The following PCDH15 variants were observed in gnomAD, a reference collection of about 807,000 sequenced individuals.
The protein encoded by PCDH15 is protocadherin-15.
In PCDH15, 129 loss-of-function variants were observed where a neutral mutation model predicts 178.5. The observed-to-expected ratio is 0.72, with a 90% CI of 0.63 to 0.84. The LOEUF (loss-of-function observed/expected upper bound fraction) is 0.84, where lower values mean the gene tolerates loss of function less well. Ranked by LOEUF, PCDH15 falls within the 40% of genes least tolerant of loss-of-function variation. PCDH15 has a pLI of 0.00. For missense variants in PCDH15, 2,230 were observed against 2,099.9 expected (o/e 1.06, Z -1.21); for synonymous variants, 800 against 732.0 (o/e 1.09, Z -1.50).
In PCDH15 at chr10:53,822,025, T is replaced by C. The variant is rs763251067; in HGVS notation, c.4368-1795A>G. The stretch of plus-strand genomic sequence containing the variant: ...CGTAGATAGTTTTTTTCTATTTGAC[T>C]GTACATGTTAGCTACTGATTTTTCA... On this transcript the variant is annotated intron_variant, in intron 32 of 37. Coordinates refer to ENST00000644397, the MANE Select transcript of PCDH15 (RefSeq NM_001384140.1). The C allele has an allele frequency of 2.5e-5, 41 of 1,613,934 alleles. No homozygotes were observed. Among genetic ancestry groups the C allele is most frequent in the Middle Eastern group, 1.6e-4 (1 of 6,082 alleles).
chr10:55,588,724 G>A (rs1842775599), intron 2 of PCDH15, among the ~76,000 whole-genome samples: 1 of 151,864 alleles, frequency 6.6e-6, no homozygotes, highest in African/African-American at 2.4e-5. Context: ...ACATTTTGAA[G>A]AAAATGAAGT....
At chr10:55,461,363 A>G in intron 2 of PCDH15, among the ~76,000 whole-genome samples, 1 of 152,198 alleles carries the variant, frequency 6.6e-6, no homozygotes, top group Non-Finnish European at 1.5e-5. Flanking sequence ...ACACTATTTT[A>G]GCCAGGATGG....
In PCDH15 at chr10:54,418,385, T is replaced by TAAAAAC. The variant is rs1954760900; in HGVS notation, c.158-39444_158-39443insGTTTTT. ...TATTAATATTAATTTTATTTAAATATAACAAAGATTTGCCAGTATTCAAAT... is the reference window on the plus strand; with the variant it reads ...TATTAATATTAATTTTATTTAAATATAAAAACAACAAAGATTTGCCAGTATTCAAAT... On this transcript the variant is annotated intron_variant, in intron 3 of 37. Coordinates refer to ENST00000644397, the MANE Select transcript of PCDH15 (RefSeq NM_001384140.1). Among the ~76,000 whole-genome samples the TAAAAAC allele has an allele frequency of 2.0e-5, 3 of 152,154 alleles. No individual in the cohort carries two copies. In the South Asian group the frequency reaches 6.2e-4, roughly 32 times the overall value.
chr10:54,255,265 G>A (rs890928030), intron 8 of PCDH15, among the ~76,000 whole-genome samples: 1 of 152,154 alleles, frequency 6.6e-6, no homozygotes, highest in African/African-American at 2.4e-5. Context: ...TCTTCAAAAA[G>A]AGAGGTGGTG....
chr10:55,262,582 G>A (rs375645870), intron 1 of PCDH15, among the ~76,000 whole-genome samples: 31 of 152,216 alleles, frequency 2.0e-4, no homozygotes, highest in African/African-American at 7.2e-4. Flanking sequence ...GCAGGCCATC[G>A]ACCAGCAGAA....
intron 2 of PCDH15, among the ~76,000 whole-genome samples, chr10:55,521,275 A>C (rs1841168484): frequency 6.6e-6 from 1 of 152,064 alleles, no homozygotes; most frequent in East Asian, 1.9e-4. Context: ...TGACTAAATA[A>C]TATGCACTGA....
At chr10:55,375,951 A>G (rs536817098) in intron 2 of PCDH15, among the ~76,000 whole-genome samples, 5 of 152,052 alleles carry the variant, frequency 3.3e-5, no homozygotes, top group African/African-American at 9.6e-5. Context: ...AATAAATATG[A>G]GTGTTTATTT....
At chr10:55,031,653 T>C (rs1183837788) in intron 2 of PCDH15, among the ~76,000 whole-genome samples, 2 of 152,174 alleles carry the variant, frequency 1.3e-5, no homozygotes, top group Non-Finnish European at 2.9e-5. Context: ...TGAGGTTTTT[T>C]AGAGGTGATT....
intron 1 of PCDH15, among the ~76,000 whole-genome samples, chr10:55,225,101 G>A (rs1026655295): frequency 6.6e-6 from 1 of 151,764 alleles, no homozygotes; most frequent in Non-Finnish European, 1.5e-5. Context: ...AAGCTCATGA[G>A]AAGAAACTTT....
intron 1 of PCDH15, among the ~76,000 whole-genome samples, chr10:55,309,450 G>A (rs773309604): frequency 1.3e-5 from 2 of 151,600 alleles, no homozygotes; most frequent in Non-Finnish European, 2.9e-5. Context: ...CCAGTAGGTC[G>A]AGGCTGCAGC....
chr10:55,080,879 C>A (rs1418766850), intron 2 of PCDH15, among the ~76,000 whole-genome samples: 2 of 152,162 alleles, frequency 1.3e-5, no homozygotes, highest in African/African-American at 4.8e-5. Flanking sequence ...AGTCAGTTTT[C>A]AGGCTTGCCC....
Position 55,577,598 on chromosome 10 carries a change from C to T in PCDH15, c.-156+50027G>A, listed in dbSNP as rs901196441. ...TTTATGGCATTGTTTTATATAAAAA[C>T]GAAAAACACTGTTCTTATGGGTAAC... On this transcript the variant is annotated intron_variant, in intron 2 of 5. Coordinates refer to the PCDH15 transcript ENST00000613346. 5.3e-5 allele frequency among the ~76,000 whole-genome samples: 8 copies of T among 151,844 alleles called. No individual in the cohort carries two copies. The East Asian group carries it at 1.2e-3, about 22-fold the overall frequency.
intron 15 of PCDH15, among the ~76,000 whole-genome samples, chr10:54,093,003 AC>A (rs1252068873): frequency 6.6e-6 from 1 of 152,132 alleles, no homozygotes; most frequent in Admixed American, 6.6e-5. Context: ...CAATTTTAAG[AC>A]CAGATTAATA....
Position 54,122,002 on chromosome 10 carries a change from TACACACAC to T in PCDH15, c.1917+10865_1917+10872del, listed in dbSNP as rs57135050. ...AATATCTAAACCGGGCAAAGACACA[TACACACAC>T]ACACACACACACACACACACACAGA... On this transcript the variant is annotated intron_variant, in intron 15 of 37. Coordinates refer to ENST00000644397, the MANE Select transcript of PCDH15 (RefSeq NM_001384140.1). Among the ~76,000 whole-genome samples the T allele has an allele frequency of 4.8e-4, 71 of 146,518 alleles. 1 individual carries two copies. The highest frequency in any genetic ancestry group is 1.8e-3 in the African/African-American group (71 of 39,516).
At chr10:55,162,637 G>T (rs1839095092) in intron 2 of PCDH15, among the ~76,000 whole-genome samples, 2 of 152,122 alleles carry the variant, frequency 1.3e-5, no homozygotes, top group African/African-American at 4.8e-5. Context: ...AACTGCCTTT[G>T]TAAAACTAAT....
chr10:54,737,805 A>G (rs1441846250), intron 1 of PCDH15, among the ~76,000 whole-genome samples: 1 of 152,176 alleles, frequency 6.6e-6, no homozygotes, highest in Non-Finnish European at 1.5e-5. Flanking sequence ...CCAGTTCCTA[A>G]GAATACAGTA....
At chr10:54,588,382 A>G (rs1185281080) in intron 2 of PCDH15, among the ~76,000 whole-genome samples, 2 of 152,198 alleles carry the variant, frequency 1.3e-5, no homozygotes, top group African/African-American at 4.8e-5. Flanking sequence ...TGGTAAAACT[A>G]CATTTTTCAC....
intron 2 of PCDH15, among the ~76,000 whole-genome samples, chr10:55,075,021 A>G (rs985364038): frequency 3.3e-5 from 5 of 152,068 alleles, no homozygotes; most frequent in Non-Finnish European, 7.4e-5. Context: ...AGATCAGATG[A>G]CGTAGATGTG....
intron 2 of PCDH15, among the ~76,000 whole-genome samples, chr10:55,098,092 A>T (rs955319484): frequency 4.6e-5 from 7 of 152,178 alleles, no homozygotes; most frequent in Non-Finnish European, 1.0e-4. Flanking sequence ...TTATACATTG[A>T]TTATACTGAT....
Sources: allele counts gnomAD v4.1 joint callset (sites outside exome capture counted in the v4.1 genomes callset), GRCh38; gene constraint gnomAD v4.1.1; transcripts MANE v1.5; gene names NCBI Gene and HGNC (gene_info 2026-07-23, HGNC 2026-07-21).